Variants in IQSEC1 observed in about 807,000 individuals in gnomAD.
IQSEC1 encodes IQ motif and Sec7 domain ArfGEF 1.
A neutral mutation model predicts 91.0 loss-of-function variants in IQSEC1; 31 were observed. The observed-to-expected ratio is 0.34, with a 90% CI of 0.26 to 0.46. The LOEUF (loss-of-function observed/expected upper bound fraction) is 0.46. Among genes scored for constraint, IQSEC1 ranks in the 20% least tolerant of loss-of-function variants. The pLI is 1.00. For synonymous variants in IQSEC1, 699 were observed against 662.6 expected (o/e 1.05, Z -0.84); for missense variants, 1,388 against 1,575.6 (o/e 0.88, Z 2.02).
At chr3:13,277,706 C>T (rs556100346) in intron 1 of IQSEC1, among the ~76,000 whole-genome samples, 2 of 152,334 alleles carry the variant, frequency 1.3e-5, no homozygotes, top group South Asian at 4.1e-4. Flanking sequence ...GCTGGGAGAA[C>T]AAGAACATTA....
rs541821129 is a variant in IQSEC1 at position 12,922,912 on chromosome 3, G to C, written c.1731-670C>G. ...TGGAGTCTGCACCAGGAGCCCTGAGGCAGGCTCCAGCTTCTGGCCAAGCTC... is the reference window on the plus strand; with the variant it reads ...TGGAGTCTGCACCAGGAGCCCTGAGCCAGGCTCCAGCTTCTGGCCAAGCTC... On this transcript the variant is annotated intron_variant, in intron 4 of 13. Transcript: ENST00000613206. The surrounding 1 kb of genome is among the most constrained non-coding windows in gnomAD (Gnocchi z 5.1). 6.6e-6 allele frequency among the ~76,000 whole-genome samples: 1 copy of C among 152,256 alleles called. No individual in the cohort carries two copies. The highest frequency in any genetic ancestry group is 1.9e-4 in the East Asian group (1 of 5,154).
intron 1 of IQSEC1, among the ~76,000 whole-genome samples, chr3:13,266,524 A>G (rs1251549192): frequency 1.3e-5 from 2 of 151,612 alleles, no homozygotes. Flanking sequence ...GCTCAGGGAA[A>G]CCCACACAGC....
intron 1 of IQSEC1, among the ~76,000 whole-genome samples, chr3:13,203,143 A>T (rs1203473320): frequency 6.6e-6 from 1 of 151,480 alleles, no homozygotes; most frequent in Non-Finnish European, 1.5e-5. Flanking sequence ...CCTGCTGCTC[A>T]TTCGGTTCCA....
Position 13,214,791 on chromosome 3 carries a change from G to A in IQSEC1, c.273-50658C>T, listed in dbSNP as rs989788402. Among the ~76,000 whole-genome samples the A allele has an allele frequency of 2.6e-5, 4 of 152,344 alleles. No individual in the cohort carries two copies. The highest frequency in any genetic ancestry group is 3.9e-4 in the East Asian group (2 of 5,178). On this transcript the variant is annotated intron_variant, in intron 1 of 15. Transcript: ENST00000648114. The surrounding 1 kb of genome is among the most constrained non-coding windows in gnomAD (Gnocchi z 4.5). ...TTTTCTGACCTTCCAGATGGTGTGC[G>A]GCACCTGGCATTCTGGAACTTCTCT...
intron 1 of IQSEC1, among the ~76,000 whole-genome samples, chr3:13,009,347 G>A (rs1415842954): frequency 6.6e-6 from 1 of 152,144 alleles, no homozygotes; most frequent in East Asian, 1.9e-4. Flanking sequence ...CCATGAGGGT[G>A]TGGGCAGGCT....
chr3:13,032,941 T>C (rs1703901540), intron 1 of IQSEC1, among the ~76,000 whole-genome samples: 1 of 152,176 alleles, frequency 6.6e-6, no homozygotes, highest in Non-Finnish European at 1.5e-5. Context: ...TCAACCCTCA[T>C]AAAGCAGCTC....
In IQSEC1 at chr3:13,073,172, A is replaced by C; in HGVS notation, c.-158T>G. 3 of 456,020 alleles carry C rather than the reference A, an allele frequency of 6.6e-6. No homozygotes were observed. Among genetic ancestry groups the C allele is most frequent in the Non-Finnish European group, 1.2e-5 (3 of 250,648 alleles). 28.2% of individuals were successfully genotyped at this position (456,020 alleles called of 1,614,324 possible). On this transcript the variant is annotated 5_prime_UTR_variant, in exon 1 of 14. Coordinates refer to ENST00000613206, the MANE Select transcript of IQSEC1 (RefSeq NM_001134382.3). ...CCGGGGGTGGCGGGCTCCTCCAGGG[A>C]GGCTGGGGCGGGAGCGGGGGGCGGC...
At chr3:12,977,030 G>T (rs895345866) in intron 1 of IQSEC1, among the ~76,000 whole-genome samples, 1 of 152,146 alleles carries the variant, frequency 6.6e-6, no homozygotes, top group Non-Finnish European at 1.5e-5. Flanking sequence ...ATCAGCTAAA[G>T]ATTTTATTTA....
At chr3:12,921,062 T>C (rs1696586456) in intron 5 of IQSEC1, among the ~76,000 whole-genome samples, 2 of 152,264 alleles carry the variant, frequency 1.3e-5, no homozygotes, top group East Asian at 3.9e-4. Flanking sequence ...CCATGGCTAC[T>C]GAGGGGCCTC....
At chr3:13,196,202 T>C (rs772762046) in intron 1 of IQSEC1, among the ~76,000 whole-genome samples, 2 of 152,072 alleles carry the variant, frequency 1.3e-5, no homozygotes, top group Non-Finnish European at 2.9e-5. Flanking sequence ...TGCCAGCCCA[T>C]AGTCTCAGCT....
chr3:13,056,770 T>C (rs543923846), intron 1 of IQSEC1, among the ~76,000 whole-genome samples: 21 of 152,238 alleles, frequency 1.4e-4, no homozygotes, highest in Admixed American at 3.9e-4. Flanking sequence ...CCACTGGAAG[T>C]CCTTAGGATA....
chr3:13,125,929 C>T (rs1706504451), intron 2 of IQSEC1, among the ~76,000 whole-genome samples: 1 of 152,010 alleles, frequency 6.6e-6, no homozygotes, highest in African/African-American at 2.4e-5. Context: ...ACTGGGACTA[C>T]CAGAGGAAAA....
chr3:13,186,220 G>C (rs550457266), intron 1 of IQSEC1, among the ~76,000 whole-genome samples: 1 of 152,142 alleles, frequency 6.6e-6, no homozygotes, highest in East Asian at 1.9e-4. Context: ...CTGAGGGCAG[G>C]GATGGGCCTG....
chr3:13,222,717 G>C (rs1484079980), intron 1 of IQSEC1, among the ~76,000 whole-genome samples: 1 of 152,210 alleles, frequency 6.6e-6, no homozygotes. Flanking sequence ...AAACAGGCTT[G>C]GGAAACTGAT....
At position 13,185,883 on chromosome 3, in the gene IQSEC1, C is replaced by A. The variant is rs180871954; in HGVS notation, c.273-21750G>T. On this transcript the variant is annotated intron_variant, in intron 1 of 15. Transcript: ENST00000648114. ...CTGGCCCACTTTTCTGGGCATATTT[C>A]TCTTCATTCCTGTCCAGGGCAGAAC... 1.4e-3 allele frequency among the ~76,000 whole-genome samples: 217 copies of A among 152,394 alleles called. 3 individuals are homozygous for A. Among genetic ancestry groups the A allele is most frequent in the Admixed American group, 0.013 (199 of 15,314 alleles).
At chr3:13,068,206 G>A (rs1395173564) in intron 1 of IQSEC1, among the ~76,000 whole-genome samples, 4 of 152,240 alleles carry the variant, frequency 2.6e-5, no homozygotes, top group South Asian at 2.1e-4. Flanking sequence ...TGTGGATGTC[G>A]GACCTGTCCT....
rs973037232 is a variant in IQSEC1 at position 12,970,629 on chromosome 3, T to G, written c.24-28764A>C. ...GGTTCATCTCTCCATCCCTTACCTC[T>G]CCTCCTGCCCACTCTATGCCTGCCA... is the stretch of plus-strand genomic sequence containing the variant. On this transcript the variant is annotated intron_variant, in intron 1 of 13. Coordinates refer to ENST00000613206, the MANE Select transcript of IQSEC1 (RefSeq NM_001134382.3). This position sits in a 1 kb window ranked among gnomAD's most constrained non-coding sequence, Gnocchi z 4.4. Among the ~76,000 whole-genome samples the G allele has an allele frequency of 1.4e-4, 21 of 151,980 alleles. No individual in the cohort carries two copies. The highest frequency in any genetic ancestry group is 5.1e-4 in the African/African-American group (21 of 41,336).
At chr3:13,041,556 G>A (rs1011521257) in intron 1 of IQSEC1, among the ~76,000 whole-genome samples, 15 of 152,254 alleles carry the variant, frequency 9.9e-5, no homozygotes, top group Middle Eastern at 3.4e-3. Flanking sequence ...ATAACACGCC[G>A]TTCAAGGTGA....
intron 3 of IQSEC1, among the ~76,000 whole-genome samples, chr3:12,925,979 T>A (rs1697087452): frequency 2.0e-5 from 3 of 152,088 alleles, no homozygotes; most frequent in African/African-American, 7.2e-5. Context: ...GGTAGGTCTC[T>A]TGCTTGGCTG....
Sources: gnomAD v4.1 joint callset for allele counts (sites outside exome capture counted in the v4.1 genomes callset) on GRCh38, gnomAD v4.1.1 for gene constraint, Gnocchi (gnomAD v3.1) non-coding constraint, MANE v1.5 for transcripts, NCBI Gene and HGNC (gene_info 2026-07-23, HGNC 2026-07-21) for gene names.